CFAP299: variants seen among roughly 807,000 people sequenced by gnomAD.
CFAP299 encodes the protein cilia and flagella associated protein 299.
Under a neutral mutation model 27.0 loss-of-function variants are expected in CFAP299, and 21 were observed. The observed-to-expected ratio is 0.78, with a 90% confidence interval of 0.55 to 1.12. CFAP299 has a LOEUF of 1.12. CFAP299 is among the 50% of genes most tolerant of loss of function. The pLI, the probability that CFAP299 is intolerant of heterozygous loss-of-function variation, is 0.00. For missense variants in CFAP299, 310 were observed against 276.6 expected, an observed-to-expected ratio of 1.12 and a Z score of -0.86; for synonymous variants, 104 against 98.1, an observed-to-expected ratio of 1.06 and a Z score of -0.36.
At chr4:80,421,610 A>G (rs1727288262) in intron 2 of CFAP299, among the ~76,000 whole-genome samples, 1 of 152,232 alleles carries the variant, frequency 6.6e-6, no homozygotes, top group Non-Finnish European at 1.5e-5. Flanking sequence ...CAAAAACAAC[A>G]AGATGAAATA....
intron 3 of CFAP299, among the ~76,000 whole-genome samples, chr4:80,664,329 G>A (rs2109985297): frequency 6.6e-6 from 1 of 152,272 alleles, no homozygotes; most frequent in Middle Eastern, 3.4e-3. Flanking sequence ...GTCTGCTGAA[G>A]CTGCACCCAT....
At chr4:80,527,603 T>A (rs1219676338) in intron 2 of CFAP299, among the ~76,000 whole-genome samples, 1 of 152,110 alleles carries the variant, frequency 6.6e-6, no homozygotes, top group South Asian at 2.1e-4. Context: ...AACTAAATAA[T>A]GTGTATTCCC....
chr4:80,815,574 T>C (rs1219485983), intron 3 of CFAP299, among the ~76,000 whole-genome samples: 1 of 151,926 alleles, frequency 6.6e-6, no homozygotes, highest in Non-Finnish European at 1.5e-5. Context: ...TAAAAGTTAA[T>C]AAAATGACAG....
At chr4:80,450,994 C>G (rs1400193376) in intron 2 of CFAP299, among the ~76,000 whole-genome samples, 3 of 151,708 alleles carry the variant, frequency 2.0e-5, no homozygotes, top group African/African-American at 7.3e-5. Flanking sequence ...TAGCAGCCAT[C>G]CAGCCTATGA....
chr4:80,686,606 A>T (rs1720211785), intron 3 of CFAP299, among the ~76,000 whole-genome samples: 1 of 152,188 alleles, frequency 6.6e-6, no homozygotes. Flanking sequence ...TGTGGGGTTC[A>T]CAGTATAGTG....
At chr4:80,412,273 CT>C (rs11446475) in intron 2 of CFAP299, among the ~76,000 whole-genome samples, 166 of 146,518 alleles carry the variant, frequency 1.1e-3, no homozygotes, top group African/African-American at 3.3e-3. Flanking sequence ...ACATATAGTC[CT>C]TTTTTTTTTT....
chr4:80,598,145 C>T (rs1270997932), intron 3 of CFAP299, among the ~76,000 whole-genome samples: 1 of 152,160 alleles, frequency 6.6e-6, no homozygotes, highest in Non-Finnish European at 1.5e-5. Context: ...ACAAATGCCA[C>T]TATGAGATTA....
chr4:80,734,899 T>C (rs956394489), intron 3 of CFAP299, among the ~76,000 whole-genome samples: 1 of 152,044 alleles, frequency 6.6e-6, no homozygotes, highest in East Asian at 1.9e-4. Flanking sequence ...AATGTGACTT[T>C]GTTCTTTATG....
intron 2 of CFAP299, among the ~76,000 whole-genome samples, chr4:80,535,348 AGCCGGGCGTAGTG>A (rs1733679621): frequency 1.4e-5 from 1 of 72,446 alleles, no homozygotes; most frequent in South Asian, 5.6e-4. Flanking sequence ...AGCTTCAATT[AGCCGGGCGTAGTG>A]GCGGGCGCCT....
intron 3 of CFAP299, among the ~76,000 whole-genome samples, chr4:80,683,303 ATC>A (rs1282697787): frequency 5.3e-5 from 8 of 152,152 alleles, no homozygotes; most frequent in Non-Finnish European, 1.2e-4. Context: ...CAGTTCTTAA[ATC>A]TCTAAAGGTT....
chr4:80,596,547 T>A (rs1003392770), intron 3 of CFAP299, among the ~76,000 whole-genome samples: 4 of 152,156 alleles, frequency 2.6e-5, no homozygotes, highest in Non-Finnish European at 5.9e-5. Flanking sequence ...CATTCTGATT[T>A]TTTTTTTCTG....
At chr4:80,849,444 A>C (rs922339289) in intron 3 of CFAP299, among the ~76,000 whole-genome samples, 8 of 152,212 alleles carry the variant, frequency 5.3e-5, no homozygotes, top group African/African-American at 1.9e-4. Context: ...AATTCCCTGA[A>C]ATGATGGTTA....
At chr4:80,774,174 T>C (rs1726385510) in intron 3 of CFAP299, among the ~76,000 whole-genome samples, 1 of 151,844 alleles carries the variant, frequency 6.6e-6, no homozygotes, top group Non-Finnish European at 1.5e-5. Context: ...TTAAGTAAAA[T>C]AGGCCTGTGA....
chr4:80,572,918 A>G (rs1292667966), intron 2 of CFAP299, among the ~76,000 whole-genome samples: 1 of 152,140 alleles, frequency 6.6e-6, no homozygotes, highest in African/African-American at 2.4e-5. Context: ...GGCTATTGTG[A>G]AAAATACTGC....
intron 2 of CFAP299, among the ~76,000 whole-genome samples, chr4:80,442,256 A>G (rs1224129499): frequency 6.6e-6 from 1 of 152,094 alleles, no homozygotes; most frequent in Non-Finnish European, 1.5e-5. Context: ...CAGAATATAC[A>G]TTCTTAGCAC....
intron 4 of CFAP299, among the ~76,000 whole-genome samples, chr4:80,914,341 T>C (rs1053290330): frequency 1.3e-5 from 2 of 152,182 alleles, no homozygotes; most frequent in South Asian, 2.1e-4. Context: ...TTTGGTATTA[T>C]AGGTCACTTT....
chr4:80,539,788 A>G (rs1388515180), intron 2 of CFAP299, among the ~76,000 whole-genome samples: 1 of 152,212 alleles, frequency 6.6e-6, no homozygotes, highest in Non-Finnish European at 1.5e-5. Context: ...ACCTCCCCAA[A>G]GTAGAAAATA....
At chr4:80,467,501 T>C (rs1258261289) in intron 2 of CFAP299, among the ~76,000 whole-genome samples, 1 of 152,160 alleles carries the variant, frequency 6.6e-6, no homozygotes, top group Non-Finnish European at 1.5e-5. Flanking sequence ...ACCCGCCTCC[T>C]CAATCTTTTC....
At chr4:80,491,716 T>G (rs1414642593) in intron 2 of CFAP299, among the ~76,000 whole-genome samples, 2 of 152,156 alleles carry the variant, frequency 1.3e-5, no homozygotes, top group Non-Finnish European at 2.9e-5. Context: ...TTTAACCATA[T>G]ATATCATGAT....
Sources: allele counts gnomAD v4.1 joint callset (sites outside exome capture counted in the v4.1 genomes callset), GRCh38; gene constraint gnomAD v4.1.1; transcripts MANE v1.5; gene names NCBI Gene and HGNC (gene_info 2026-07-23, HGNC 2026-07-21).